The following FGD4 variants were observed in gnomAD, a reference collection of about 807,000 sequenced individuals.
FGD4 encodes FYVE, RhoGEF and PH domain-containing protein 4.
In FGD4, 42 loss-of-function variants were observed where a neutral mutation model predicts 102.0. That is an observed-to-expected ratio of 0.41 (90% CI 0.32 to 0.53). The LOEUF (loss-of-function observed/expected upper bound fraction) is 0.53, where lower values mean the gene tolerates loss of function less well. FGD4 is among the 20% of genes least tolerant of loss of function. FGD4 has a pLI of 0.21. For synonymous variants in FGD4, 380 were observed against 375.7 expected (o/e 1.01, Z -0.13); for missense variants, 902 against 1,078.2 (o/e 0.84, Z 2.29).
chr12:32,432,951 C>G (rs2136439391), intron 1 of FGD4, among the ~76,000 whole-genome samples: 1 of 152,182 alleles, frequency 6.6e-6, no homozygotes, highest in South Asian at 2.1e-4. Flanking sequence ...CTTCTTGCCC[C>G]TTTAATATTT....
intron 1 of FGD4, among the ~76,000 whole-genome samples, chr12:32,487,083 C>T (rs753022854): frequency 6.6e-6 from 1 of 152,172 alleles, no homozygotes. Context: ...CTACACTATT[C>T]TGTTACAGGT....
chr12:32,452,652 C>G (rs1365742907), intron 1 of FGD4, among the ~76,000 whole-genome samples: 2 of 152,100 alleles, frequency 1.3e-5, no homozygotes, highest in Non-Finnish European at 2.9e-5. Flanking sequence ...TACTGTTGTC[C>G]TTTGAACCCT....
chr12:32,530,957 T>G (rs1001986532), intron 1 of FGD4, among the ~76,000 whole-genome samples: 1 of 132,418 alleles, frequency 7.6e-6, no homozygotes, highest in South Asian at 2.6e-4. Context: ...TTTTTTTTTT[T>G]TTTTTTTTTT....
At chr12:32,555,868 C>T (rs1944066613) in intron 1 of FGD4, among the ~76,000 whole-genome samples, 1 of 152,024 alleles carries the variant, frequency 6.6e-6, no homozygotes, top group Admixed American at 6.6e-5. Context: ...CTGCGCCCAG[C>T]CGAGACAAGG....
chr12:32,628,227 A>T (rs1950291260), intron 14 of FGD4, among the ~76,000 whole-genome samples: 1 of 152,126 alleles, frequency 6.6e-6, no homozygotes, highest in Non-Finnish European at 1.5e-5. Flanking sequence ...TGATAAGGAG[A>T]TGCTAACTCA....
intron 5 of FGD4, 95 bp from the exon 6 acceptor site, chr12:32,601,183 A>G: frequency 3.8e-6 from 5 of 1,321,992 alleles, no homozygotes; most frequent in Non-Finnish European, 5.3e-6. Context: ...CATTTGCTCA[A>G]TAAAAAGTTA....
rs1940885096 is a variant in FGD4, at chr12:32,405,283, A to ATTTTT, written c.166+5324_166+5325insTTTTT. Among the ~76,000 whole-genome samples, 3 of 93,236 alleles carry ATTTTT rather than the reference A, an allele frequency of 3.2e-5. No individual in the cohort carries two copies. The South Asian group carries it at 1.1e-3, about 35-fold the overall frequency. 61.2% of individuals were successfully genotyped at this position (93,236 alleles called of 152,430 possible). On this transcript the variant is annotated intron_variant, in intron 1 of 16. Coordinates refer to ENST00000534526, the MANE Select transcript of FGD4 (RefSeq NM_001370298.3). ...GTGGTTTTTTTTTTTTTTTTTTTAG[A>ATTTTT]AGGAGTTTCACTCTTGTCCAGGCTG...
chr12:32,449,006 TAGAC>T (rs1309963173), intron 1 of FGD4, among the ~76,000 whole-genome samples: 2 of 152,222 alleles, frequency 1.3e-5, no homozygotes, highest in African/African-American at 2.4e-5. Flanking sequence ...CTTGGAGAGA[TAGAC>T]AGTATTAACA....
chr12:32,598,447 T>A (rs749903743), intron 4 of FGD4, 50 bp from the exon 5 acceptor site: 2 of 1,284,464 alleles, frequency 1.6e-6, no homozygotes, highest in Non-Finnish European at 2.2e-6. Context: ...ACTTTAGAAA[T>A]ATTGTCCAAG....
At chr12:32,567,409 A>G (rs1016658615) in intron 2 of FGD4, among the ~76,000 whole-genome samples, 2 of 152,062 alleles carry the variant, frequency 1.3e-5, no homozygotes, top group East Asian at 1.9e-4. Flanking sequence ...CCACACTTGC[A>G]TATCCTCCCC....
intron 1 of FGD4, 107 bp from the exon 2 acceptor site, chr12:32,564,023 GAGAGGGA>G (rs1944960240): frequency 2.1e-6 from 2 of 941,358 alleles, no homozygotes; most frequent in Non-Finnish European, 3.1e-6. Flanking sequence ...AGGGGAGAGG[GAGAGGGA>G]GGGGGAGGGG....
At chr12:32,417,434 G>A (rs1397109153) in intron 1 of FGD4, among the ~76,000 whole-genome samples, 3 of 151,830 alleles carry the variant, frequency 2.0e-5, no homozygotes, top group Non-Finnish European at 4.4e-5. Context: ...AGTGCTAGAT[G>A]TATTGGAGCT....
chr12:32,539,886 ATT>A (rs1942660651), intron 1 of FGD4, among the ~76,000 whole-genome samples: 1 of 152,206 alleles, frequency 6.6e-6, no homozygotes, highest in Admixed American at 6.5e-5. Context: ...CTTGAAAATA[ATT>A]TTGTTATTTT....
intron 1 of FGD4, among the ~76,000 whole-genome samples, chr12:32,492,356 G>A (rs552438764): frequency 2.3e-4 from 35 of 152,262 alleles, no homozygotes; most frequent in South Asian, 6.2e-4. Flanking sequence ...AGACTCTTCT[G>A]TCAAAATCAT....
At chr12:32,483,690 C>G (rs989878235) in intron 1 of FGD4, among the ~76,000 whole-genome samples, 6 of 152,054 alleles carry the variant, frequency 3.9e-5, no homozygotes, top group African/African-American at 1.4e-4. Flanking sequence ...AGAGAGGGAA[C>G]CAAAAATGCT....
intron 1 of FGD4, among the ~76,000 whole-genome samples, chr12:32,459,234 C>T (rs1249704813): frequency 7.0e-6 from 1 of 142,884 alleles, no homozygotes; most frequent in Non-Finnish European, 1.5e-5. Context: ...CGCTCTATCA[C>T]CCAGGCTGGA....
At position 32,576,481 on chromosome 12, in the gene FGD4, GAGA is replaced by G. The variant is rs773908114; in HGVS notation, c.503+40_503+42del. 2.4e-5 allele frequency: 38 copies of G among 1,612,852 alleles called. No homozygotes were observed. The African/African-American group carries it at 4.8e-4, about 20-fold the overall frequency. The stretch of plus-strand genomic sequence containing the variant: ...GCTAATTTACAATGGGAGAAGGCAG[GAGA>G]AGAAGAAAGCTGATTTTCGAAAAAA... On this transcript the variant is annotated intron_variant, in intron 3 of 16. Transcript: ENST00000534526.
chr12:32,536,110 ACTT>A (rs1942234828), intron 1 of FGD4, among the ~76,000 whole-genome samples: 1 of 152,022 alleles, frequency 6.6e-6, no homozygotes, highest in Non-Finnish European at 1.5e-5. Context: ...ACCTGAAAAA[ACTT>A]CTCTTTCTAA....
At chr12:32,624,824 A>T in intron 12 of FGD4, 152 bp from the exon 13 acceptor site, 1 of 710,292 alleles carries the variant, frequency 1.4e-6, no homozygotes, top group Non-Finnish European at 2.5e-6. Flanking sequence ...AAATGTGCAT[A>T]TATTGTTGTG....
Sources: gnomAD v4.1 joint callset for allele counts (sites outside exome capture counted in the v4.1 genomes callset) on GRCh38, gnomAD v4.1.1 for gene constraint, MANE v1.5 for transcripts, NCBI Gene and HGNC (gene_info 2026-07-23, HGNC 2026-07-21) for gene names.